Variants in ZNF292 observed in about 807,000 individuals in gnomAD.
The protein encoded by ZNF292 is zinc finger protein 292.
A neutral mutation model predicts 217.9 loss-of-function variants in ZNF292; 26 were observed. The observed-to-expected ratio is 0.12, with a 90% CI of 0.09 to 0.17. The LOEUF (loss-of-function observed/expected upper bound fraction) is 0.17. ZNF292 is among the 10% of genes least tolerant of loss of function. The pLI is 1.00. For synonymous variants in ZNF292, 1,257 were observed against 1,124.1 expected, an observed-to-expected ratio of 1.12 and a Z score of -2.37; for missense variants, 2,904 against 3,175.2, an observed-to-expected ratio of 0.91 and a Z score of 2.05.
At position 87,264,626 on chromosome 6, in the gene ZNF292, A is replaced by G. The variant is rs1775755178; in HGVS notation, c.*2825A>G. Among the ~76,000 whole-genome samples, 1 of 152,178 alleles carries G rather than the reference A, an allele frequency of 6.6e-6. No homozygotes were observed. Among genetic ancestry groups the G allele is most frequent in the Non-Finnish European group, 1.5e-5 (1 of 68,030 alleles). ...GCTCATTGGTTCAGGGGGACAAGGGAATTCCAGACTTGGGGGTAGAGCGTA... is the reference window on the plus strand; with the variant it reads ...GCTCATTGGTTCAGGGGGACAAGGGGATTCCAGACTTGGGGGTAGAGCGTA... On this transcript the variant is annotated 3_prime_UTR_variant, in exon 8 of 8. Coordinates refer to ENST00000369577, the MANE Select transcript of ZNF292 (RefSeq NM_015021.3).
At chr6:87,225,154 A>G (rs892916342) in intron 4 of ZNF292, among the ~76,000 whole-genome samples, 1 of 152,110 alleles carries the variant, frequency 6.6e-6, no homozygotes, top group Admixed American at 6.5e-5. Context: ...TGCCATCTGT[A>G]TATCTTGGGT....
intron 1 of ZNF292, among the ~76,000 whole-genome samples, chr6:87,157,568 T>C (rs559584557): frequency 5.3e-5 from 8 of 152,348 alleles, no homozygotes; most frequent in Middle Eastern, 6.8e-3. Flanking sequence ...TCTTTTTTTG[T>C]CAGCAGTATT....
chr6:87,193,992 C>T (rs1436517126), intron 1 of ZNF292, among the ~76,000 whole-genome samples: 1 of 152,072 alleles, frequency 6.6e-6, no homozygotes, highest in Admixed American at 6.6e-5. Flanking sequence ...TCTTAAAGGT[C>T]TAATGGAGGA....
At chr6:87,239,279 C>T (rs1171337618) in intron 5 of ZNF292, among the ~76,000 whole-genome samples, 8 of 152,052 alleles carry the variant, frequency 5.3e-5, no homozygotes, top group African/African-American at 1.7e-4. Flanking sequence ...CCCCTCACCT[C>T]CCGGACGGGG....
At position 87,216,106 on chromosome 6, in the gene ZNF292, TAGACACACACACACAC is replaced by T. The variant is rs1184381439; in HGVS notation, c.323+51_323+66del. ...AACTAGATTTAGCTTTAAAAATACA[TAGACACACACACACAC>T]ACACACACACACACACACACACACA... On this transcript the variant is annotated intron_variant, in intron 2 of 7. Transcript: ENST00000369577. The T allele has an allele frequency of 4.8e-5, 46 of 952,010 alleles. 2 individuals carry two copies. The African/African-American group carries it at 7.9e-4, about 16-fold the overall frequency. 59.0% of individuals were successfully genotyped at this position (952,010 alleles called of 1,614,324 possible).
At chr6:87,216,953 A>G (rs1210218824) in intron 3 of ZNF292, among the ~76,000 whole-genome samples, 1 of 152,052 alleles carries the variant, frequency 6.6e-6, no homozygotes, top group Non-Finnish European at 1.5e-5. Context: ...GAGGTACTAC[A>G]CAATTTAGCA....
intron 4 of ZNF292, among the ~76,000 whole-genome samples, chr6:87,228,117 T>C (rs910880555): frequency 2.0e-5 from 3 of 152,240 alleles, no homozygotes; most frequent in Non-Finnish European, 4.4e-5. Context: ...TTTCTGTTTT[T>C]TTCGTAGTAG....
At chr6:87,230,171 T>A (rs1453311448) in intron 4 of ZNF292, among the ~76,000 whole-genome samples, 3 of 152,184 alleles carry the variant, frequency 2.0e-5, no homozygotes, top group Non-Finnish European at 2.9e-5. Flanking sequence ...TGACACGTAA[T>A]GTGGTGTAGA....
chr6:87,238,640 TTTTTTTTA>T (rs947527626), intron 5 of ZNF292, among the ~76,000 whole-genome samples: 7 of 33,366 alleles, frequency 2.1e-4, no homozygotes, highest in South Asian at 2.2e-3. Flanking sequence ...TAAGTATTTA[TTTTTTTTA>T]TTTTTTTATT....
At chr6:87,161,268 T>C (rs1446150631) in intron 1 of ZNF292, among the ~76,000 whole-genome samples, 1 of 152,164 alleles carries the variant, frequency 6.6e-6, no homozygotes, top group Admixed American at 6.5e-5. Context: ...TAAGAAAGCA[T>C]TTATATGCAA....
chr6:87,187,098 G>GATTAGA (rs1273435013), intron 1 of ZNF292, among the ~76,000 whole-genome samples: 1 of 151,996 alleles, frequency 6.6e-6, no homozygotes, highest in East Asian at 1.9e-4. Flanking sequence ...GTGACATTGC[G>GATTAGA]TTTAATTTCT....
At chr6:87,204,178 G>A (rs1446718824) in intron 1 of ZNF292, among the ~76,000 whole-genome samples, 1 of 152,174 alleles carries the variant, frequency 6.6e-6, no homozygotes, top group African/African-American at 2.4e-5. Context: ...TCTTTCAAGT[G>A]TTACTTAGGA....
At chr6:87,166,168 A>G (rs1202159432) in intron 1 of ZNF292, among the ~76,000 whole-genome samples, 1 of 152,174 alleles carries the variant, frequency 6.6e-6, no homozygotes. Context: ...GCATGAACCC[A>G]TTGCGCTCTC....
intron 1 of ZNF292, among the ~76,000 whole-genome samples, chr6:87,156,220 C>T (rs1415794765): frequency 6.6e-6 from 1 of 152,242 alleles, no homozygotes; most frequent in Non-Finnish European, 1.5e-5. Flanking sequence ...CTGCTTTCAT[C>T]CGTCCCGCCC....
chr6:87,249,331 T>G (rs1250072126), intron 7 of ZNF292: 1 of 421,164 alleles, frequency 2.4e-6, no homozygotes, highest in Non-Finnish European at 4.8e-6. Context: ...CTCACTATAT[T>G]GCCCAGATTT....
At chr6:87,209,594 C>T (rs1475492954) in intron 1 of ZNF292, among the ~76,000 whole-genome samples, 1 of 152,170 alleles carries the variant, frequency 6.6e-6, no homozygotes, top group Non-Finnish European at 1.5e-5. Context: ...GGTATTGCAG[C>T]AAATTAAGTG....
At position 87,260,133 on chromosome 6, in the gene ZNF292, T is replaced by G; in HGVS notation, c.6504T>G (p.Thr2168=). 6.2e-7 allele frequency: 1 copy of G among 1,613,326 alleles called. No individual in the cohort carries two copies. Among genetic ancestry groups the G allele is most frequent in the Non-Finnish European group, 8.5e-7 (1 of 1,179,506 alleles). The change falls in exon 8 of 8, where the codon ACT becomes ACG. Residue 2168 remains threonine, a synonymous_variant. Transcript: ENST00000369577. The part of the protein sequence containing the change: ...KESEETETKQ[T]LKEFRCQVSD... ...GTGAAGAAACTGAAACTAAACAAAC[T>G]TTGAAAGAATTTCGATGTCAGGTAA...
intron 1 of ZNF292, among the ~76,000 whole-genome samples, chr6:87,206,871 A>G (rs1772271932): frequency 6.6e-6 from 1 of 152,182 alleles, no homozygotes; most frequent in Non-Finnish European, 1.5e-5. Context: ...TATACCTATT[A>G]AGTAGTTAAA....
At chr6:87,236,512 G>T (rs1773913188) in intron 5 of ZNF292, among the ~76,000 whole-genome samples, 1 of 152,054 alleles carries the variant, frequency 6.6e-6, no homozygotes, top group South Asian at 2.1e-4. Context: ...CTTTGGTCTG[G>T]ATTCTTGGTA....
Sources: allele counts gnomAD v4.1 joint callset (sites outside exome capture counted in the v4.1 genomes callset), GRCh38; gene constraint gnomAD v4.1.1; transcripts MANE v1.5; gene names NCBI Gene and HGNC (gene_info 2026-07-23, HGNC 2026-07-21).